The following QTGAL variants were observed in gnomAD, a reference collection of about 807,000 sequenced individuals.
The protein encoded by QTGAL is queuosine-tRNA galactosyltransferase.
the QTGAL span, among the ~76,000 whole-genome samples, chr17:83,010,255 G>A: frequency 0.023 from 3,539 of 152,208 alleles, 149 homozygotes; most frequent in African/African-American, 0.082. Flanking sequence ...CGGGGGCTTC[G>A]GCCGCCACTC....
At chr17:83,019,275 C>T in the QTGAL span, among the ~76,000 whole-genome samples, 21 of 152,064 alleles carry the variant, frequency 1.4e-4, no homozygotes, top group African/African-American at 4.1e-4. Context: ...CCACAGAGAA[C>T]GGTTCAAATA....
At chr17:82,945,450 A>G in the QTGAL span, 2 of 152,222 alleles carry the variant, frequency 1.3e-5, no homozygotes, top group African/African-American at 4.8e-5. Flanking sequence ...AGTGATATAA[A>G]CGACTACCAA....
At chr17:82,990,391 C>T in the QTGAL span, among the ~76,000 whole-genome samples, 1 of 152,246 alleles carries the variant, frequency 6.6e-6, no homozygotes, top group Admixed American at 6.5e-5. Flanking sequence ...AGCAGGAACG[C>T]CAACACAGGC....
the QTGAL span, among the ~76,000 whole-genome samples, chr17:82,954,793 A>G: frequency 4.6e-5 from 7 of 152,346 alleles, no homozygotes; most frequent in African/African-American, 1.7e-4. Context: ...TACATAGATC[A>G]ATGCAACAGA....
the QTGAL span, among the ~76,000 whole-genome samples, chr17:83,012,506 G>T: frequency 1.3e-5 from 2 of 152,172 alleles, no homozygotes; most frequent in Non-Finnish European, 1.5e-5. Flanking sequence ...TGTAAAAATC[G>T]CTGTGGCACC....
chr17:83,040,862 G>A, the QTGAL span, among the ~76,000 whole-genome samples: 2 of 152,078 alleles, frequency 1.3e-5, no homozygotes, highest in South Asian at 2.1e-4. Context: ...TCAGGAGATC[G>A]AGAACATCCT....
At chr17:83,019,314 C>T in the QTGAL span, among the ~76,000 whole-genome samples, 1 of 152,006 alleles carries the variant, frequency 6.6e-6, no homozygotes, top group East Asian at 1.9e-4. Flanking sequence ...GACAGCCAGG[C>T]TTATAAGTAA....
At chr17:83,002,734 G>T in the QTGAL span, among the ~76,000 whole-genome samples, 2 of 152,338 alleles carry the variant, frequency 1.3e-5, no homozygotes, top group East Asian at 3.9e-4. Flanking sequence ...CACTGCCGAG[G>T]ACACCCTGTT....
chr17:83,020,788 C>G, the QTGAL span, among the ~76,000 whole-genome samples: 2 of 152,226 alleles, frequency 1.3e-5, no homozygotes, highest in African/African-American at 2.4e-5. Context: ...GAAGGAAACA[C>G]GGGGTTCAGG....
At chr17:83,022,360 A>C in the QTGAL span, among the ~76,000 whole-genome samples, 1 of 90,752 alleles carries the variant, frequency 1.1e-5, no homozygotes. Flanking sequence ...AACTCACGTT[A>C]GCTTAGCACT....
the QTGAL span, chr17:82,956,828 G>A: frequency 6.9e-4 from 1,051 of 1,530,850 alleles, 8 homozygotes; most frequent in African/African-American, 0.013. The surrounding 1 kb of genome is among the most constrained non-coding windows in gnomAD (Gnocchi z 5.7). Flanking sequence ...CCGGAGAGAC[G>A]CCCTCAGGGT....
At chr17:82,982,062 G>A in the QTGAL span, among the ~76,000 whole-genome samples, 22 of 149,458 alleles carry the variant, frequency 1.5e-4, no homozygotes, top group African/African-American at 4.4e-4. Flanking sequence ...TGGGCCAAGC[G>A]GGTGGAGGAG....
the QTGAL span, among the ~76,000 whole-genome samples, chr17:82,959,361 ACG>A: frequency 6.6e-6 from 1 of 151,550 alleles, no homozygotes; most frequent in Non-Finnish European, 1.5e-5. Context: ...GTGTGTGTGC[ACG>A]TGAGTGCGTG....
the QTGAL span, among the ~76,000 whole-genome samples, chr17:83,050,372 A>G: frequency 7.0e-6 from 1 of 142,780 alleles, no homozygotes. Flanking sequence ...CTCCATTTCA[A>G]AAAATAAAAA....
the QTGAL span, among the ~76,000 whole-genome samples, chr17:83,008,280 G>A: frequency 2.0e-5 from 3 of 152,330 alleles, no homozygotes; most frequent in Non-Finnish European, 2.9e-5. Context: ...CAAGGCTTTC[G>A]AGAAGTGTTG....
At chr17:82,969,185 A>C in the QTGAL span, among the ~76,000 whole-genome samples, 1 of 151,548 alleles carries the variant, frequency 6.6e-6, no homozygotes, top group African/African-American at 2.4e-5. Flanking sequence ...TTTGAGACAG[A>C]GTCTCGCTCT....
the QTGAL span, chr17:82,942,737 G>A: frequency 3.6e-6 from 2 of 552,282 alleles, no homozygotes; most frequent in South Asian, 2.3e-5. Flanking sequence ...CCTGATGTGT[G>A]TAGGGGTGAT....
chr17:82,988,647 T>G, the QTGAL span, among the ~76,000 whole-genome samples: 1 of 151,960 alleles, frequency 6.6e-6, no homozygotes, highest in Non-Finnish European at 1.5e-5. Flanking sequence ...ACAAGGAACT[T>G]AACTTTACAA....
At chr17:82,974,198 G>A in the QTGAL span, among the ~76,000 whole-genome samples, 1 of 152,188 alleles carries the variant, frequency 6.6e-6, no homozygotes, top group Admixed American at 6.5e-5. Flanking sequence ...GGTCCTCCCT[G>A]GCTCCTCATC....
Sources: allele counts gnomAD v4.1 joint callset (sites outside exome capture counted in the v4.1 genomes callset), GRCh38; gene constraint gnomAD v4.1.1; non-coding constraint Gnocchi (gnomAD v3.1); transcripts MANE v1.5; gene names NCBI Gene and HGNC (gene_info 2026-07-23, HGNC 2026-07-21).